Variants in RERE observed in about 807,000 individuals in gnomAD.
RERE encodes arginine-glutamic acid dipeptide repeats, also known as arginine-glutamic acid dipeptide repeats protein.
Under a neutral mutation model 146.1 loss-of-function variants are expected in RERE, and 40 were observed. The observed-to-expected ratio is 0.27, with a 90% CI of 0.21 to 0.36. The LOEUF is 0.36. Among genes scored for constraint, RERE ranks in the 10% least tolerant of loss-of-function variants. The pLI is 1.00. For synonymous variants in RERE, 1,003 were observed against 866.0 expected, an observed-to-expected ratio of 1.16 and a Z score of -2.78; for missense variants, 1,933 against 2,138.7, an observed-to-expected ratio of 0.90 and a Z score of 1.90.
At chr1:8,534,529 G>T (rs980293298) in intron 7 of RERE, among the ~76,000 whole-genome samples, 1 of 152,160 alleles carries the variant, frequency 6.6e-6, no homozygotes, top group African/African-American at 2.4e-5. Flanking sequence ...TCAGAGAGCA[G>T]CAACACAAAG....
At chr1:8,545,179 AG>A (rs1645842970) in intron 6 of RERE, among the ~76,000 whole-genome samples, 1 of 152,212 alleles carries the variant, frequency 6.6e-6, no homozygotes, top group Non-Finnish European at 1.5e-5. Context: ...AGCCTCCTAA[AG>A]TCTTGTATAC....
At chr1:8,399,737 C>T (rs904513057) in intron 12 of RERE, among the ~76,000 whole-genome samples, 1 of 151,818 alleles carries the variant, frequency 6.6e-6, no homozygotes, top group African/African-American at 2.4e-5. Flanking sequence ...CCATTAACAT[C>T]GGCGCATCAT....
chr1:8,711,943 T>C (rs989858116), intron 1 of RERE, among the ~76,000 whole-genome samples: 1 of 152,190 alleles, frequency 6.6e-6, no homozygotes, highest in Non-Finnish European at 1.5e-5. Flanking sequence ...AAAATAAAAT[T>C]ACACACGTGT....
chr1:8,525,601 C>T lies in RERE; in HGVS notation c.830+15613G>A, dbSNP rs76482540. ...GTCCCCATTCTTAGTTCTGATTTTA[C>T]GCTTCACAATACCACCTACATGGCC... On this transcript the variant is annotated intron_variant, in intron 7 of 22. Coordinates refer to ENST00000400908, the MANE Select transcript of RERE (RefSeq NM_001042681.2). Among the ~76,000 whole-genome samples, 1,467 of 152,326 alleles carry T rather than the reference C, an allele frequency of 9.6e-3. 78 individuals are homozygous for T. The highest frequency in any genetic ancestry group is 0.083 in the Admixed American group (1,272 of 15,304).
At chr1:8,486,780 A>G (rs1411152340) in intron 10 of RERE, among the ~76,000 whole-genome samples, 1 of 150,990 alleles carries the variant, frequency 6.6e-6, no homozygotes, top group Non-Finnish European at 1.5e-5. Context: ...AAAGAAAAGA[A>G]AGAAAAGAAA....
intron 6 of RERE, among the ~76,000 whole-genome samples, chr1:8,546,007 T>TTTTTTTTTTTTTTTTA (rs1645856785): frequency 7.9e-6 from 1 of 126,824 alleles, no homozygotes; most frequent in African/African-American, 3.1e-5. Flanking sequence ...TTTTTTTTTT[T>TTTTTTTTTTTTTTTTA]GAGATAGGGT....
intron 1 of RERE, among the ~76,000 whole-genome samples, chr1:8,688,265 A>AT (rs1639133757): frequency 6.6e-6 from 1 of 152,142 alleles, no homozygotes; most frequent in Non-Finnish European, 1.5e-5. Flanking sequence ...TGAGACCCCT[A>AT]TCTCTACAAA....
At chr1:8,746,872 A>C (rs1373041258) in intron 1 of RERE, among the ~76,000 whole-genome samples, 2 of 149,780 alleles carry the variant, frequency 1.3e-5, no homozygotes, top group Non-Finnish European at 3.0e-5. Context: ...ATGGGGGAAC[A>C]AAAAAGAGAG....
chr1:8,556,445 C>A, intron 6 of RERE, 30 bp downstream of exon 6: 1 of 1,296,832 alleles, frequency 7.7e-7, no homozygotes, highest in Non-Finnish European at 1.1e-6. Flanking sequence ...ACTCCTCCTT[C>A]ACATGGAAGA....
At chr1:8,758,932 G>A (rs1442618969) in intron 1 of RERE, among the ~76,000 whole-genome samples, 2 of 151,424 alleles carry the variant, frequency 1.3e-5, no homozygotes, top group African/African-American at 2.4e-5. Flanking sequence ...AACCATCATG[G>A]TATACACAAT....
At chr1:8,815,054 G>C (rs1163035981) in intron 1 of RERE, among the ~76,000 whole-genome samples, 1 of 152,120 alleles carries the variant, frequency 6.6e-6, no homozygotes, top group East Asian at 1.9e-4. Flanking sequence ...TCTTCGTCTG[G>C]ATCTTTCCAA....
chr1:8,358,583 CCCGCTCTCGG>C lies in RERE; in HGVS notation c.3942_3951del (p.Ile1314MetfsTer7), dbSNP rs762542864. ...CCCGGCTTCATCCTCTCCCGCAGCT[CCCGCTCTCGG>C]ATCTCCCGCTCTCGGATCTCCCGCT... On this transcript the variant is annotated frameshift_variant, in exon 20 of 23. Transcript: ENST00000400908. LOFTEE classifies it high-confidence loss of function. The C allele has an allele frequency of 1.3e-4, 205 of 1,604,096 alleles. No individual in the cohort carries two copies. The highest frequency in any genetic ancestry group is 2.6e-4 in the South Asian group (23 of 89,386).
intron 12 of RERE, among the ~76,000 whole-genome samples, chr1:8,394,071 A>G (rs1642972206): frequency 6.6e-6 from 1 of 152,226 alleles, no homozygotes; most frequent in Non-Finnish European, 1.5e-5. Context: ...GAGACCAGAA[A>G]GACAAGATGA....
chr1:8,718,772 T>C (rs1197969523), intron 1 of RERE, among the ~76,000 whole-genome samples: 1 of 152,142 alleles, frequency 6.6e-6, no homozygotes, highest in African/African-American at 2.4e-5. Flanking sequence ...TGCATAACCT[T>C]GGGAAAGTCT....
chr1:8,521,219 CAT>C lies in RERE; in HGVS notation c.831-12546_831-12545del, dbSNP rs1413282731. ...GAACTCCAAGATGTATAAAGAAAAA[CAT>C]AAACACTCAAAGAGAGTAAGAAGAA... is the stretch of plus-strand genomic sequence containing the variant. On this transcript the variant is annotated intron_variant, in intron 7 of 22. Coordinates refer to ENST00000400908, the MANE Select transcript of RERE (RefSeq NM_001042681.2). Among the ~76,000 whole-genome samples, 27 of 111,688 alleles carry C rather than the reference CAT, an allele frequency of 2.4e-4. No individual in the cohort carries two copies. In the East Asian group the frequency reaches 3.5e-3, roughly 14 times the overall value. 73.3% of individuals were successfully genotyped at this position (111,688 alleles called of 152,430 possible).
At chr1:8,501,377 A>G (rs1409175359) in intron 8 of RERE, among the ~76,000 whole-genome samples, 1 of 57,918 alleles carries the variant, frequency 1.7e-5, no homozygotes, top group Non-Finnish European at 3.1e-5. Flanking sequence ...TCCGGGAGGA[A>G]GGTGGGGGGT....
At chr1:8,495,474 G>T (rs1272735561) in intron 9 of RERE, among the ~76,000 whole-genome samples, 4 of 152,144 alleles carry the variant, frequency 2.6e-5, no homozygotes, top group Admixed American at 2.6e-4. Flanking sequence ...CCCATGCCCA[G>T]CTAATTTCTG....
chr1:8,378,970 A>G (rs1481612949), intron 12 of RERE, among the ~76,000 whole-genome samples: 1 of 152,066 alleles, frequency 6.6e-6, no homozygotes, highest in Non-Finnish European at 1.5e-5. Context: ...CAGCAAAATA[A>G]TTTTCTACTT....
chr1:8,425,457 C>T (rs1269051237), intron 11 of RERE, among the ~76,000 whole-genome samples: 1 of 152,160 alleles, frequency 6.6e-6, no homozygotes, highest in Non-Finnish European at 1.5e-5. Context: ...GTTCAGAATG[C>T]CTTCGCCAAG....
Sources: gnomAD v4.1 joint callset for allele counts (sites outside exome capture counted in the v4.1 genomes callset) on GRCh38, gnomAD v4.1.1 for gene constraint, MANE v1.5 for transcripts, NCBI Gene and HGNC (gene_info 2026-07-23, HGNC 2026-07-21) for gene names.